Variants in TFB2M observed in about 807,000 individuals in gnomAD.
The protein encoded by TFB2M is dimethyladenosine transferase 2, mitochondrial.
Under a neutral mutation model 41.3 loss-of-function variants are expected in TFB2M, and 44 were observed. The observed-to-expected ratio is 1.07, with a 90% CI of 0.84 to 1.37. The LOEUF (loss-of-function observed/expected upper bound fraction) is 1.37, where lower values mean the gene tolerates loss of function less well. TFB2M is among the 40% of genes most tolerant of loss of function. The probability of loss-of-function intolerance (pLI) is 0.00; values close to 1 mark genes in which losing one functional copy is unlikely to be tolerated. For missense variants in TFB2M, 496 were observed against 490.2 expected (o/e 1.01, Z -0.11); for synonymous variants, 188 against 176.8 (o/e 1.06, Z -0.50).
At chr1:246,544,094 C>A (rs1488886738) in intron 7 of TFB2M, among the ~76,000 whole-genome samples, 2 of 152,112 alleles carry the variant, frequency 1.3e-5, no homozygotes, top group African/African-American at 4.8e-5. Context: ...AAAATTTGAT[C>A]CAGAGCAAGG....
intron 2 of TFB2M, among the ~76,000 whole-genome samples, chr1:246,560,667 A>T (rs916155014): frequency 2.6e-5 from 4 of 152,248 alleles, no homozygotes; most frequent in African/African-American, 4.8e-5. Flanking sequence ...TCAAAGCTTC[A>T]GGATAAATAA....
At chr1:246,556,827 G>A in intron 3 of TFB2M, 106 bp from the exon 4 acceptor site, 3 of 974,922 alleles carry the variant, frequency 3.1e-6, no homozygotes, top group Non-Finnish European at 4.4e-6. Context: ...TTAATTTCAA[G>A]TTTATTTCAA....
intron 6 of TFB2M, among the ~76,000 whole-genome samples, chr1:246,548,211 G>A (rs1014762702): frequency 2.0e-5 from 3 of 152,010 alleles, no homozygotes; most frequent in African/African-American, 7.2e-5. Context: ...CGATTAATAC[G>A]TCATAAAATT....
At chr1:246,560,041 G>C (rs1291279411) in intron 2 of TFB2M, among the ~76,000 whole-genome samples, 1 of 152,064 alleles carries the variant, frequency 6.6e-6, no homozygotes, top group Admixed American at 6.6e-5. Context: ...TTTGAATGTG[G>C]CCCAACACAC....
chr1:246,540,843 T>C lies in TFB2M; in HGVS notation c.*188A>G. 1 of 479,326 alleles carries C rather than the reference T, an allele frequency of 2.1e-6. No individual in the cohort carries two copies. The highest frequency in any genetic ancestry group is 3.6e-6 in the Non-Finnish European group (1 of 275,522). 29.7% of individuals were successfully genotyped at this position (479,326 alleles called of 1,614,324 possible). A position where few individuals can be genotyped will look rare whatever the true frequency, so the allele number is the denominator to read the frequency against. On this transcript the variant is annotated 3_prime_UTR_variant, in exon 8 of 8. Transcript: ENST00000366514. Reference sequence around the variant, plus strand: ...TTGAAGTTTTCATTTTATTCAATTGTGAATAAAATAGCAGACACTGTTTCA... The same window carrying C: ...TTGAAGTTTTCATTTTATTCAATTGCGAATAAAATAGCAGACACTGTTTCA...
At chr1:246,555,345 T>C (rs539324249) in intron 4 of TFB2M, among the ~76,000 whole-genome samples, 2 of 152,236 alleles carry the variant, frequency 1.3e-5, no homozygotes, top group African/African-American at 2.4e-5. Flanking sequence ...CCCAACACTT[T>C]AGGAGGCTGA....
intron 2 of TFB2M, among the ~76,000 whole-genome samples, chr1:246,563,562 C>T (rs1226150598): frequency 6.6e-6 from 1 of 151,646 alleles, no homozygotes; most frequent in Admixed American, 6.6e-5. Context: ...CGAGATCGCA[C>T]CATTGCACTC....
chr1:246,551,976 A>G (rs1659197861), intron 4 of TFB2M, among the ~76,000 whole-genome samples: 2 of 152,100 alleles, frequency 1.3e-5, no homozygotes, highest in Non-Finnish European at 2.9e-5. Context: ...GGTCTGGGGG[A>G]GCAAATCATC....
chr1:246,563,242 T>C (rs1659504870), intron 2 of TFB2M, among the ~76,000 whole-genome samples: 1 of 152,040 alleles, frequency 6.6e-6, no homozygotes, highest in African/African-American at 2.4e-5. Flanking sequence ...GTATGTCATT[T>C]TTTCTACTGT....
At chr1:246,558,157 CT>C (rs11438177) in intron 2 of TFB2M, among the ~76,000 whole-genome samples, 63 of 140,932 alleles carry the variant, frequency 4.5e-4, no homozygotes, top group African/African-American at 4.7e-4. Flanking sequence ...TATCTGTTTA[CT>C]TTTTTTTTTT....
chr1:246,562,701 C>G (rs1659486231), intron 2 of TFB2M, among the ~76,000 whole-genome samples: 1 of 151,914 alleles, frequency 6.6e-6, no homozygotes, highest in Non-Finnish European at 1.5e-5. Context: ...GCTCAGTCGC[C>G]CAGGCTGCAG....
At chr1:246,548,335 C>T (rs944791751) in intron 6 of TFB2M, among the ~76,000 whole-genome samples, 1 of 151,974 alleles carries the variant, frequency 6.6e-6, no homozygotes, top group African/African-American at 2.4e-5. Context: ...GTTTTTAAGC[C>T]TATTACTATG....
In TFB2M at chr1:246,566,161, C is replaced by T; in HGVS notation, c.-23G>A. On this transcript the variant is annotated 5_prime_UTR_variant, in exon 1 of 8. Coordinates refer to ENST00000366514, the MANE Select transcript of TFB2M (RefSeq NM_022366.3). ...CATGTCCTTGTCTCTCAGGCCCGCT[C>T]CAAGAATCACCTAGTGCAGCTACTA... 1 of 1,592,586 alleles carries T rather than the reference C, an allele frequency of 6.3e-7. No homozygotes were observed. The highest frequency in any genetic ancestry group is 8.6e-7 in the Non-Finnish European group (1 of 1,165,438).
intron 4 of TFB2M, among the ~76,000 whole-genome samples, chr1:246,554,061 G>A (rs140825829): frequency 1.3e-5 from 2 of 152,232 alleles, no homozygotes; most frequent in African/African-American, 4.8e-5. Context: ...AATCATTTCT[G>A]ACACCAACGC....
intron 6 of TFB2M, among the ~76,000 whole-genome samples, chr1:246,544,997 G>C (rs557512235): frequency 2.6e-5 from 4 of 151,778 alleles, no homozygotes; most frequent in African/African-American, 4.8e-5. Context: ...AGTAGAGATG[G>C]GGTTTCACCG....
chr1:246,558,786 C>T (rs1659385327), intron 2 of TFB2M, among the ~76,000 whole-genome samples: 2 of 152,200 alleles, frequency 1.3e-5, no homozygotes, highest in African/African-American at 4.8e-5. Flanking sequence ...AGCAACTATA[C>T]ACCTTGTTTG....
At chr1:246,551,043 C>T (rs1659163252) in intron 5 of TFB2M, among the ~76,000 whole-genome samples, 170 bp downstream of exon 5, 1 of 151,916 alleles carries the variant, frequency 6.6e-6, no homozygotes, top group South Asian at 2.1e-4. Flanking sequence ...GGCATGGTGG[C>T]GCCTGGCTGT....
chr1:246,566,056 G>A lies in TFB2M; in HGVS notation c.83C>T (p.Ser28Phe), dbSNP rs200683042. The A allele has an allele frequency of 6.2e-7, 1 of 1,613,124 alleles. No individual in the cohort carries two copies. The highest frequency in any genetic ancestry group is 1.1e-5 in the South Asian group (1 of 91,074). Residue 28 changes from serine (S) to phenylalanine (F), a missense_variant, in exon 1 of 8, where the codon TCT becomes TTT. Physicochemically the swap from Ser to Phe is radical, Grantham distance 155. Coordinates refer to ENST00000366514, the MANE Select transcript of TFB2M (RefSeq NM_022366.3). ...AGAGRFCILG[S>F]EAATRKHLPA... ...CAAATGCTTTCGCGTCGCCGCTTCAGACCCTAAAATGCAAAAGCGACCAGC... is the reference window on the plus strand; with the variant it reads ...CAAATGCTTTCGCGTCGCCGCTTCAAACCCTAAAATGCAAAAGCGACCAGC...
chr1:246,551,373 A>G, intron 4 of TFB2M, 71 bp from the exon 5 acceptor site: 1 of 1,058,232 alleles, frequency 9.4e-7, no homozygotes, highest in Non-Finnish European at 1.5e-6. Context: ...GCTGACTCTT[A>G]ATAGGACTAT....
Sources: gnomAD v4.1 joint callset for allele counts (sites outside exome capture counted in the v4.1 genomes callset) on GRCh38, gnomAD v4.1.1 for gene constraint, MANE v1.5 for transcripts, NCBI Gene and HGNC (gene_info 2026-07-23, HGNC 2026-07-21) for gene names.